Variants in DPP10 observed in about 807,000 individuals in gnomAD.
DPP10 encodes the protein inactive dipeptidyl peptidase 10.
DPP10 carries 33 observed loss-of-function variants against 120.9 expected under a neutral mutation model. That is an observed-to-expected ratio of 0.27 (90% confidence interval 0.21 to 0.37). DPP10 has a LOEUF of 0.37. DPP10 is among the 10% of genes least tolerant of loss of function. DPP10 has a pLI of 1.00. For missense variants in DPP10, 816 were observed against 942.8 expected, an observed-to-expected ratio of 0.87 and a Z score of 1.76; for synonymous variants, 337 against 326.1, an observed-to-expected ratio of 1.03 and a Z score of -0.36.
chr2:114,522,229 C>A (rs1174475980), intron 1 of DPP10, among the ~76,000 whole-genome samples: 3 of 151,928 alleles, frequency 2.0e-5, no homozygotes, highest in African/African-American at 7.3e-5. Flanking sequence ...CATGATCCGC[C>A]CGCCTCGGCC....
At chr2:114,592,029 G>T (rs1375343311) in intron 1 of DPP10, among the ~76,000 whole-genome samples, 1 of 151,654 alleles carries the variant, frequency 6.6e-6, no homozygotes, top group South Asian at 2.1e-4. Flanking sequence ...CATGCAGACA[G>T]TGTTGAGAAA....
At chr2:115,778,900 GAT>G (rs1464208995) in intron 15 of DPP10, among the ~76,000 whole-genome samples, 2 of 152,034 alleles carry the variant, frequency 1.3e-5, no homozygotes, top group Non-Finnish European at 2.9e-5. Context: ...TTCATATAGA[GAT>G]AGTGATTTGA....
At position 115,325,206 on chromosome 2, in the gene DPP10, T is replaced by C. The variant is rs1185416568; in HGVS notation, c.175+15853T>C. On this transcript the variant is annotated intron_variant, in intron 2 of 25. Coordinates refer to ENST00000410059, the MANE Select transcript of DPP10 (RefSeq NM_020868.6). Reference sequence around the variant, plus strand: ...CAGGCTACCACAACCCTTCAAGTTGTAAAAAACAATGTCTGCAAAGTGTAA... The same window carrying C: ...CAGGCTACCACAACCCTTCAAGTTGCAAAAAACAATGTCTGCAAAGTGTAA... Among the ~76,000 whole-genome samples, 4 of 152,084 alleles carry C rather than the reference T, an allele frequency of 2.6e-5. No individual in the cohort carries two copies. The East Asian group carries it at 7.7e-4, about 29-fold the overall frequency.
intron 1 of DPP10, among the ~76,000 whole-genome samples, chr2:114,620,853 T>C (rs999307898): frequency 6.6e-6 from 1 of 152,128 alleles, no homozygotes. Context: ...TCCTAAGATA[T>C]CTGTGTATAG....
chr2:115,836,598 G>A, intron 23 of DPP10, 33 bp downstream of exon 23: 2 of 1,610,158 alleles, frequency 1.2e-6, no homozygotes, highest in Non-Finnish European at 8.5e-7. Context: ...AGAAAGAGGA[G>A]TATTTTTGTT....
intron 1 of DPP10, among the ~76,000 whole-genome samples, chr2:114,459,025 C>T (rs1678727242): frequency 6.6e-6 from 1 of 152,102 alleles, no homozygotes; most frequent in Non-Finnish European, 1.5e-5. Context: ...TACTATATTC[C>T]TAACATGGGT....
At chr2:114,856,163 T>C (rs1176493225) in intron 1 of DPP10, among the ~76,000 whole-genome samples, 1 of 152,184 alleles carries the variant, frequency 6.6e-6, no homozygotes, top group Non-Finnish European at 1.5e-5. Context: ...GGATTTGACT[T>C]TTTTGGTTAT....
chr2:115,424,663 T>C (rs2070295564), intron 3 of DPP10, among the ~76,000 whole-genome samples: 2 of 152,044 alleles, frequency 1.3e-5, no homozygotes, highest in Admixed American at 1.3e-4. Flanking sequence ...TAAGGATAAA[T>C]ATAAATTAAA....
chr2:115,213,784 G>T (rs954478057), intron 1 of DPP10, among the ~76,000 whole-genome samples: 3 of 152,030 alleles, frequency 2.0e-5, no homozygotes, highest in Admixed American at 1.3e-4. Context: ...GCAGGTATCT[G>T]ATTCCTAAGT....
chr2:115,044,839 T>A (rs1256056577), intron 1 of DPP10, among the ~76,000 whole-genome samples: 1 of 152,206 alleles, frequency 6.6e-6, no homozygotes, highest in Non-Finnish European at 1.5e-5. Flanking sequence ...TTGTTTTAAT[T>A]TTTAGATCCC....
chr2:115,537,916 A>T (rs1476935714), intron 5 of DPP10, among the ~76,000 whole-genome samples: 2 of 151,880 alleles, frequency 1.3e-5, no homozygotes, highest in Non-Finnish European at 2.9e-5. Context: ...CCAGTTGTTG[A>T]CTGAGAACCT....
chr2:114,775,857 C>T (rs1178600395), intron 1 of DPP10, among the ~76,000 whole-genome samples: 1 of 152,106 alleles, frequency 6.6e-6, no homozygotes, highest in African/African-American at 2.4e-5. Flanking sequence ...TCTGGCAATA[C>T]AAACAATAAA....
At chr2:114,598,180 G>A (rs1692080458) in intron 1 of DPP10, among the ~76,000 whole-genome samples, 1 of 151,890 alleles carries the variant, frequency 6.6e-6, no homozygotes, top group African/African-American at 2.4e-5. Flanking sequence ...ATATAAAAAG[G>A]GGCAATATGA....
At chr2:115,484,868 G>T (rs2075670969) in intron 3 of DPP10, among the ~76,000 whole-genome samples, 1 of 152,040 alleles carries the variant, frequency 6.6e-6, no homozygotes, top group African/African-American at 2.4e-5. Flanking sequence ...ATAGAAAATG[G>T]TAACAATGAC....
chr2:115,199,804 G>A (rs2055564052), intron 1 of DPP10, among the ~76,000 whole-genome samples: 1 of 151,978 alleles, frequency 6.6e-6, no homozygotes, highest in African/African-American at 2.4e-5. Context: ...AAAATATCTG[G>A]ATTTCATAAG....
chr2:114,740,432 C>A (rs971270959), intron 1 of DPP10, among the ~76,000 whole-genome samples: 20 of 149,128 alleles, frequency 1.3e-4, no homozygotes, highest in African/African-American at 5.0e-4. Flanking sequence ...GGGTGCAGCA[C>A]ACCAGCATGG....
chr2:114,860,816 A>G (rs1689750147), intron 1 of DPP10, among the ~76,000 whole-genome samples: 1 of 152,294 alleles, frequency 6.6e-6, no homozygotes, highest in Non-Finnish European at 1.5e-5. Flanking sequence ...CAAAATTCAA[A>G]GCTCATTTAA....
chr2:115,085,906 A>G (rs1708653681), intron 1 of DPP10, among the ~76,000 whole-genome samples: 1 of 152,206 alleles, frequency 6.6e-6, no homozygotes, highest in African/African-American at 2.4e-5. Context: ...TTCCTACCTA[A>G]GGGGTGTCGG....
At chr2:115,420,816 G>A (rs1029721211) in intron 3 of DPP10, among the ~76,000 whole-genome samples, 3 of 152,144 alleles carry the variant, frequency 2.0e-5, no homozygotes, top group Non-Finnish European at 4.4e-5. Context: ...AGAAGGACCA[G>A]AGTAGAAGAT....
Sources: gnomAD v4.1 joint callset for allele counts (sites outside exome capture counted in the v4.1 genomes callset) on GRCh38, gnomAD v4.1.1 for gene constraint, MANE v1.5 for transcripts, NCBI Gene and HGNC (gene_info 2026-07-23, HGNC 2026-07-21) for gene names.